The following AKAP13 variants were observed in gnomAD, a reference collection of about 807,000 sequenced individuals.
AKAP13 encodes A-kinase anchoring protein 13.
A neutral mutation model predicts 264.5 loss-of-function variants in AKAP13; 80 were observed. The ratio of observed to expected loss-of-function variants is 0.30; its 90% CI spans 0.25 to 0.36. AKAP13 has a LOEUF of 0.36. Ranked by LOEUF, AKAP13 falls within the 10% of genes least tolerant of loss-of-function variation. The pLI, the probability that AKAP13 is intolerant of heterozygous loss-of-function variation, is 1.00. For synonymous variants in AKAP13, 1,380 were observed against 1,250.2 expected, an observed-to-expected ratio of 1.10 and a Z score of -2.19; for missense variants, 3,712 against 3,435.2, an observed-to-expected ratio of 1.08 and a Z score of -2.01.
At chr15:85,563,329 GTTT>G (rs1184437606) in intron 5 of AKAP13, among the ~76,000 whole-genome samples, 3 of 54,202 alleles carry the variant, frequency 5.5e-5, no homozygotes, top group Non-Finnish European at 1.2e-4. Context: ...GAATGTGCTT[GTTT>G]TTTTTTTTTT....
At chr15:85,384,712 G>A (rs1243120890) in intron 1 of AKAP13, among the ~76,000 whole-genome samples, 2 of 134,396 alleles carry the variant, frequency 1.5e-5, no homozygotes, top group Non-Finnish European at 3.3e-5. Context: ...GCGAGACTCC[G>A]TCTGAAAAAA....
At chr15:85,729,012 ATCAGTTGGCCAGGC>A (rs1356024561) in intron 29 of AKAP13, among the ~76,000 whole-genome samples, 1 of 152,152 alleles carries the variant, frequency 6.6e-6, no homozygotes, top group African/African-American at 2.4e-5. Context: ...TTAAAATCTG[ATCAGTTGGCCAGGC>A]TCGGTGGCTC....
chr15:85,439,260 C>A, intron 1 of AKAP13, among the ~76,000 whole-genome samples: 1 of 146,324 alleles, frequency 6.8e-6, no homozygotes, highest in Non-Finnish European at 1.5e-5. Flanking sequence ...CAAATCAAAA[C>A]CACAATGAGA....
intron 17 of AKAP13, among the ~76,000 whole-genome samples, chr15:85,698,414 G>A (rs1318185127): frequency 1.5e-5 from 2 of 136,248 alleles, no homozygotes; most frequent in Non-Finnish European, 3.0e-5. Flanking sequence ...GCAGTGAGCC[G>A]AGATTGAGCC....
At chr15:85,734,820 T>C (rs2088321141) in intron 30 of AKAP13, among the ~76,000 whole-genome samples, 172 bp from the exon 31 acceptor site, 1 of 152,216 alleles carries the variant, frequency 6.6e-6, no homozygotes, top group African/African-American at 2.4e-5. Flanking sequence ...TCTAGTAGAA[T>C]CCAACTAAAA....
chr15:85,669,697 T>G (rs369090235), intron 13 of AKAP13, 25 bp from the exon 14 acceptor site: 3 of 1,505,572 alleles, frequency 2.0e-6, no homozygotes, highest in Non-Finnish European at 2.8e-6. Flanking sequence ...GCTTACAACG[T>G]GTTCTTCACT....
At chr15:85,399,350 G>C (rs1379169820) in intron 1 of AKAP13, among the ~76,000 whole-genome samples, 1 of 148,860 alleles carries the variant, frequency 6.7e-6, no homozygotes, top group Non-Finnish European at 1.5e-5. Context: ...CAAAAAATTA[G>C]CCGGGCGCGG....
chr15:85,491,119 G>A (rs928061948), intron 2 of AKAP13, among the ~76,000 whole-genome samples: 2 of 152,150 alleles, frequency 1.3e-5, no homozygotes, highest in African/African-American at 4.8e-5. Context: ...TCTTCTGCAT[G>A]AGGTTGGAGA....
At chr15:85,478,665 T>C (rs574063446) in intron 1 of AKAP13, among the ~76,000 whole-genome samples, 2 of 152,316 alleles carry the variant, frequency 1.3e-5, no homozygotes, top group South Asian at 2.1e-4. Context: ...TGTTAGACTC[T>C]TCATTTCCTT....
intron 1 of AKAP13, among the ~76,000 whole-genome samples, chr15:85,463,044 GAAAT>G (rs2074584854): frequency 2.7e-5 from 3 of 110,600 alleles, no homozygotes; most frequent in Non-Finnish European, 5.9e-5. Context: ...AAAAAAAAAA[GAAAT>G]AAAAATTTTA....
intron 16 of AKAP13, 168 bp downstream of exon 16, chr15:85,685,041 A>G: frequency 1.2e-6 from 1 of 830,394 alleles, no homozygotes; most frequent in Non-Finnish European, 1.8e-6. Context: ...GAAAAATAGC[A>G]AGAAGTGGAA....
intron 1 of AKAP13, among the ~76,000 whole-genome samples, chr15:85,398,681 G>A (rs1053087797): frequency 3.9e-5 from 6 of 151,968 alleles, no homozygotes; most frequent in African/African-American, 1.5e-4. Context: ...TCAGCCTCCC[G>A]AGTAGCTGGG....
chr15:85,663,110 G>GA (rs2083435055), intron 12 of AKAP13, among the ~76,000 whole-genome samples: 1 of 152,076 alleles, frequency 6.6e-6, no homozygotes, highest in African/African-American at 2.4e-5. Context: ...AGGCATTGGA[G>GA]ACCAGCCTGA....
rs553674448 is a variant in AKAP13, at chr15:85,744,574, A to G, written c.8393-54A>G. ...GACTTTGGGATGGGGAGGAAGTTCAATGAAAGGAGCAGTTTTTCTGAATTT... is the reference window on the plus strand; with the variant it reads ...GACTTTGGGATGGGGAGGAAGTTCAGTGAAAGGAGCAGTTTTTCTGAATTT... On this transcript the variant is annotated intron_variant, in intron 36 of 36. Transcript: ENST00000394518. 29 of 1,593,382 alleles carry G rather than the reference A, an allele frequency of 1.8e-5. No homozygotes were observed. The South Asian group carries it at 2.2e-4, about 12-fold the overall frequency.
intron 1 of AKAP13, among the ~76,000 whole-genome samples, chr15:85,389,421 G>A (rs2070745925): frequency 6.6e-6 from 1 of 152,180 alleles, no homozygotes; most frequent in Non-Finnish European, 1.5e-5. Flanking sequence ...TGGGACTGCA[G>A]TTCTGTGCTA....
At chr15:85,619,311 G>C (rs2081074530) in intron 8 of AKAP13, 1 of 963,530 alleles carries the variant, frequency 1.0e-6, no homozygotes, top group South Asian at 4.8e-5. Flanking sequence ...ACGTTCTTGA[G>C]AGAGAAGGAA....
At chr15:85,422,410 C>T (rs1379161481) in intron 1 of AKAP13, among the ~76,000 whole-genome samples, 1 of 152,132 alleles carries the variant, frequency 6.6e-6, no homozygotes, top group African/African-American at 2.4e-5. Context: ...GCTTGGAGCC[C>T]TGAGAAAACT....
chr15:85,446,841 A>G (rs534114454), intron 1 of AKAP13, among the ~76,000 whole-genome samples: 2 of 152,012 alleles, frequency 1.3e-5, no homozygotes, highest in East Asian at 3.9e-4. Context: ...TAAACATTAT[A>G]TAAATAAATG....
chr15:85,648,457 C>A (rs1449330982), intron 10 of AKAP13, among the ~76,000 whole-genome samples: 1 of 152,118 alleles, frequency 6.6e-6, no homozygotes, highest in African/African-American at 2.4e-5. Context: ...ATTTCGCCGT[C>A]TTATTTTCCC....
Sources: gnomAD v4.1 joint callset for allele counts (sites outside exome capture counted in the v4.1 genomes callset) on GRCh38, gnomAD v4.1.1 for gene constraint, MANE v1.5 for transcripts, NCBI Gene and HGNC (gene_info 2026-07-23, HGNC 2026-07-21) for gene names.